The following PCDH15 variants were observed in gnomAD, a reference collection of about 807,000 sequenced individuals.
The protein encoded by PCDH15 is protocadherin related 15.
PCDH15 carries 129 observed loss-of-function variants against 178.5 expected under a neutral mutation model. The observed-to-expected ratio is 0.72, with a 90% CI of 0.63 to 0.84. The LOEUF is 0.84. Ranked by LOEUF, PCDH15 falls within the 40% of genes least tolerant of loss-of-function variation. PCDH15 has a pLI of 0.00. For synonymous variants in PCDH15, 800 were observed against 732.0 expected (o/e 1.09, Z -1.50); for missense variants, 2,230 against 2,099.9 (o/e 1.06, Z -1.21).
chr10:54,974,014 T>C (rs542327409), intron 2 of PCDH15, among the ~76,000 whole-genome samples: 1 of 150,286 alleles, frequency 6.7e-6, no homozygotes, highest in Non-Finnish European at 1.5e-5. Context: ...GAGACTCTCA[T>C]ACTAGCCCTC....
At chr10:54,394,523 T>C (rs1325776010) in intron 3 of PCDH15, among the ~76,000 whole-genome samples, 1 of 152,054 alleles carries the variant, frequency 6.6e-6, no homozygotes, top group African/African-American at 2.4e-5. Flanking sequence ...GTCACAGACA[T>C]CAAGTACTTT....
intron 14 of PCDH15, among the ~76,000 whole-genome samples, chr10:54,147,592 G>A (rs975858285): frequency 1.3e-5 from 2 of 151,772 alleles, no homozygotes; most frequent in Non-Finnish European, 2.9e-5. Context: ...GCCACATATA[G>A]ATCAGACCAG....
At chr10:54,769,709 A>ACCC (rs1948881239) in intron 1 of PCDH15, among the ~76,000 whole-genome samples, 1 of 152,026 alleles carries the variant, frequency 6.6e-6, no homozygotes, top group South Asian at 2.1e-4. Flanking sequence ...AGTTTCTAGA[A>ACCC]TCCAGTGCCT....
At chr10:54,277,791 G>A (rs906008082) in intron 8 of PCDH15, among the ~76,000 whole-genome samples, 30 of 151,474 alleles carry the variant, frequency 2.0e-4, no homozygotes, top group Non-Finnish European at 1.2e-4. Context: ...AAAACTAGGT[G>A]GGGAAATTTG....
intron 1 of PCDH15, among the ~76,000 whole-genome samples, chr10:55,318,731 T>C (rs1445546490): frequency 6.6e-6 from 1 of 152,210 alleles, no homozygotes; most frequent in Non-Finnish European, 1.5e-5. Context: ...ATTGCTCAAG[T>C]ACATTTATTT....
At chr10:54,272,474 C>T (rs2058108530) in intron 8 of PCDH15, among the ~76,000 whole-genome samples, 1 of 151,486 alleles carries the variant, frequency 6.6e-6, no homozygotes, top group South Asian at 2.1e-4. Context: ...AATTTGATGA[C>T]AGTGGATAAG....
chr10:55,293,316 C>T (rs185942781), intron 1 of PCDH15, among the ~76,000 whole-genome samples: 29 of 152,312 alleles, frequency 1.9e-4, no homozygotes, highest in Admixed American at 1.8e-3. Flanking sequence ...ATTTTGTCCT[C>T]TTAGGCCTCA....
Position 55,054,931 on chromosome 10 carries a change from C to T in PCDH15, c.-80+111645G>A, listed in dbSNP as rs562960804. On this transcript the variant is annotated intron_variant, in intron 2 of 5. Coordinates refer to the PCDH15 transcript ENST00000458638. ...CTTGATATTACACCTTTGCTGGATG[C>T]ATAGTTTGCAAAGCTTTTCCCCATT... Among the ~76,000 whole-genome samples the T allele has an allele frequency of 3.3e-5, 5 of 152,270 alleles. No individual in the cohort carries two copies. In the South Asian group the frequency reaches 1.0e-3, roughly 32 times the overall value.
intron 23 of PCDH15, among the ~76,000 whole-genome samples, chr10:53,958,335 T>C (rs964446299): frequency 2.6e-5 from 4 of 152,162 alleles, no homozygotes; most frequent in African/African-American, 9.7e-5. Context: ...AGGCTGAATA[T>C]TTGGTGTGGA....
chr10:54,996,889 T>A (rs1405165433), intron 2 of PCDH15, among the ~76,000 whole-genome samples: 1 of 151,958 alleles, frequency 6.6e-6, no homozygotes, highest in Admixed American at 6.6e-5. Flanking sequence ...GGTAGGTGGA[T>A]CATGAGGTCA....
intron 26 of PCDH15, among the ~76,000 whole-genome samples, chr10:53,883,532 C>T (rs2080883635): frequency 6.6e-6 from 1 of 151,886 alleles, no homozygotes; most frequent in Non-Finnish European, 1.5e-5. Context: ...ACTTAAAAAA[C>T]ACTGACCAAG....
At chr10:54,772,566 T>A (rs930017794) in intron 1 of PCDH15, among the ~76,000 whole-genome samples, 1 of 142,966 alleles carries the variant, frequency 7.0e-6, no homozygotes, top group African/African-American at 2.6e-5. Context: ...CACAATGAGA[T>A]AACATCTCAT....
At chr10:55,512,668 TG>T (rs1840912564) in intron 2 of PCDH15, among the ~76,000 whole-genome samples, 1 of 152,004 alleles carries the variant, frequency 6.6e-6, no homozygotes, top group Non-Finnish European at 1.5e-5. Flanking sequence ...AAGAATGAAG[TG>T]TATTAAATGT....
intron 6 of PCDH15, among the ~76,000 whole-genome samples, chr10:54,334,992 C>T (rs1344594371): frequency 1.3e-5 from 2 of 152,136 alleles, no homozygotes; most frequent in Non-Finnish European, 2.9e-5. Flanking sequence ...ATCAACTTTG[C>T]CCTTATCAAT....
intron 3 of PCDH15, among the ~76,000 whole-genome samples, chr10:54,464,062 A>AT (rs1313193480): frequency 6.6e-6 from 1 of 152,108 alleles, no homozygotes; most frequent in African/African-American, 2.4e-5. Flanking sequence ...GAAAACCTTT[A>AT]TGTCAGGCTT....
intron 20 of PCDH15, among the ~76,000 whole-genome samples, chr10:54,000,952 A>G (rs889722754): frequency 2.0e-5 from 3 of 152,190 alleles, no homozygotes; most frequent in East Asian, 3.9e-4. Context: ...GAGAAAAGAA[A>G]CAAATAACAT....
intron 23 of PCDH15, among the ~76,000 whole-genome samples, chr10:53,949,656 A>G (rs2086854924): frequency 6.6e-6 from 1 of 152,058 alleles, no homozygotes; most frequent in Non-Finnish European, 1.5e-5. Flanking sequence ...GAGATGGAAG[A>G]TTGCTTGCAG....
In PCDH15 at chr10:55,465,097, G is replaced by A. The variant is rs16907450; in HGVS notation, c.-156+162528C>T. 4.7e-3 allele frequency among the ~76,000 whole-genome samples: 712 copies of A among 152,104 alleles called. 7 individuals carry two copies. Among genetic ancestry groups the A allele is most frequent in the African/African-American group, 0.016 (678 of 41,478 alleles). On this transcript the variant is annotated intron_variant, in intron 2 of 5. Coordinates refer to the PCDH15 transcript ENST00000613346. ...ACACAGATGTAAAGCTGGTGTATGA[G>A]TATTCTTCCGAACCAACAGGGTGTG...
intron 1 of PCDH15, among the ~76,000 whole-genome samples, chr10:55,280,676 A>G (rs1842710670): frequency 6.6e-6 from 1 of 151,900 alleles, no homozygotes; most frequent in Non-Finnish European, 1.5e-5. Flanking sequence ...ATGATGTTCT[A>G]TTTTTACTGA....
Sources: gnomAD v4.1 joint callset for allele counts (sites outside exome capture counted in the v4.1 genomes callset) on GRCh38, gnomAD v4.1.1 for gene constraint, MANE v1.5 for transcripts, NCBI Gene and HGNC (gene_info 2026-07-23, HGNC 2026-07-21) for gene names.